TEX14: variants seen among roughly 807,000 people sequenced by gnomAD.
The protein encoded by TEX14 is inactive serine/threonine-protein kinase TEX14.
Under a neutral mutation model 178.6 loss-of-function variants are expected in TEX14, and 168 were observed. That is an observed-to-expected ratio of 0.94 (90% confidence interval 0.83 to 1.07). The LOEUF (loss-of-function observed/expected upper bound fraction) is 1.07. Ranked by LOEUF, TEX14 falls within the 50% of genes least tolerant of loss-of-function variation. The pLI is 0.00. For synonymous variants in TEX14, 626 were observed against 634.1 expected (o/e 0.99, Z 0.19); for missense variants, 1,730 against 1,753.6 (o/e 0.99, Z 0.24).
chr17:58,690,426 A>G (rs1182752360), intron 1 of TEX14, among the ~76,000 whole-genome samples: 1 of 152,190 alleles, frequency 6.6e-6, no homozygotes, highest in Non-Finnish European at 1.5e-5. Flanking sequence ...TTGGCCTCCC[A>G]AAGTGCTTGG....
chr17:58,578,471 G>T (rs2044732518), intron 20 of TEX14, among the ~76,000 whole-genome samples: 1 of 152,108 alleles, frequency 6.6e-6, no homozygotes, highest in African/African-American at 2.4e-5. Flanking sequence ...CTGTACCCCT[G>T]TTGTGTCCTC....
At chr17:58,603,811 G>A (rs1313199174) in intron 11 of TEX14, among the ~76,000 whole-genome samples, 5 of 148,138 alleles carry the variant, frequency 3.4e-5, no homozygotes, top group East Asian at 2.0e-4. Context: ...CCAAGATCCC[G>A]CCACTGCACT....
At chr17:58,566,239 T>C (rs1410837122) in intron 26 of TEX14, among the ~76,000 whole-genome samples, 2 of 152,206 alleles carry the variant, frequency 1.3e-5, no homozygotes, top group Non-Finnish European at 2.9e-5. Context: ...ATGTTCACAA[T>C]TAATCTTCAC....
intron 1 of TEX14, among the ~76,000 whole-genome samples, chr17:58,687,049 G>GCCCATGGGAT (rs1476686393): frequency 5.3e-5 from 8 of 150,888 alleles, no homozygotes; most frequent in African/African-American, 2.0e-4. Context: ...GGAGCTGAAG[G>GCCCATGGGAT]CCCATGGGAT....
chr17:58,580,994 G>A (rs1275887014), intron 19 of TEX14, among the ~76,000 whole-genome samples: 2 of 152,098 alleles, frequency 1.3e-5, no homozygotes, highest in East Asian at 1.9e-4. Context: ...TTCCCATTAG[G>A]AAGTATGAAT....
At chr17:58,558,638 AG>A (rs1262233724) in intron 30 of TEX14, among the ~76,000 whole-genome samples, 1 of 152,204 alleles carries the variant, frequency 6.6e-6, no homozygotes, top group Non-Finnish European at 1.5e-5. Flanking sequence ...GATCTGAAAG[AG>A]TTAAAGTCTC....
intron 1 of TEX14, among the ~76,000 whole-genome samples, chr17:58,657,031 A>C (rs2046984279): frequency 6.6e-6 from 1 of 151,446 alleles, no homozygotes; most frequent in African/African-American, 2.4e-5. Flanking sequence ...CTGGTCTTCA[A>C]CTCCTGGCCT....
chr17:58,570,571 G>A (rs1205708970), intron 24 of TEX14, 87 bp from the exon 25 acceptor site: 1 of 633,350 alleles, frequency 1.6e-6, no homozygotes, highest in Non-Finnish European at 2.4e-6. Context: ...TTGTTTTGTT[G>A]ATTAAGTCAA....
intron 2 of TEX14, among the ~76,000 whole-genome samples, chr17:58,638,450 A>G (rs183355633): frequency 1.2e-4 from 18 of 152,374 alleles, no homozygotes; most frequent in African/African-American, 4.3e-4. Context: ...GTGGATAAAG[A>G]AACTGTGGTG....
chr17:58,577,499 A>T, intron 20 of TEX14, 43 bp from the exon 21 acceptor site: 2 of 717,970 alleles, frequency 2.8e-6, no homozygotes, highest in Non-Finnish European at 4.0e-6. Context: ...ATTTTTTTTT[A>T]CTGAATCTTT....
At chr17:58,685,358 C>T (rs936241668) in intron 1 of TEX14, among the ~76,000 whole-genome samples, 8 of 150,716 alleles carry the variant, frequency 5.3e-5, no homozygotes, top group Admixed American at 2.0e-4. Flanking sequence ...ATCGCTTGAA[C>T]GTGGGAGGTG....
intron 13 of TEX14, among the ~76,000 whole-genome samples, chr17:58,599,999 GTTTTC>G (rs984655749): frequency 1.3e-5 from 2 of 152,052 alleles, no homozygotes; most frequent in African/African-American, 4.8e-5. Flanking sequence ...CCTGAATCTT[GTTTTC>G]TTTTGTTTTA....
Position 58,599,501 on chromosome 17 carries a change from G to C in TEX14, c.1844C>G (p.Pro615Arg), listed in dbSNP as rs1412626551. The C allele has an allele frequency of 6.2e-7, 1 of 1,613,780 alleles. No homozygotes were observed. Among genetic ancestry groups the C allele is most frequent in the Admixed American group, 1.7e-5 (1 of 59,980 alleles). The change falls in exon 14 of 32, where the codon CCA becomes CGA. Residue 615 changes from proline to arginine, a missense_variant. By Grantham distance (103) the Pro-to-Arg change is moderately radical (BLOSUM62 -2). Around this residue, in one of 2 missense-constraint regions of TEX14, gnomAD observed 941 missense variants for 1,072.4 expected, o/e 0.88. Coordinates refer to ENST00000349033, the MANE Select transcript of TEX14 (RefSeq NM_031272.5). ...GTTGATTTCGAAACTGCAGAGGCTT[G>C]GCTGACCTGTGCTGGGGCTGCTGGC... ...EEASSPSTGQPSLCSFEINEI... is the reference protein window; with the variant it reads ...EEASSPSTGQRSLCSFEINEI...
chr17:58,661,989 G>C (rs1449124071), intron 1 of TEX14, among the ~76,000 whole-genome samples: 1 of 151,914 alleles, frequency 6.6e-6, no homozygotes, highest in African/African-American at 2.4e-5. Flanking sequence ...AAGTGACTTT[G>C]CCAAGATTCA....
At chr17:58,616,063 CT>C in intron 7 of TEX14, 111 bp downstream of exon 7, 1 of 1,232,668 alleles carries the variant, frequency 8.1e-7, no homozygotes, top group Non-Finnish European at 1.1e-6. Context: ...GACAGATGTT[CT>C]TAGGTGTTCC....
chr17:58,666,487 A>AAAAAAAC (rs2047210121), intron 1 of TEX14: 1 of 96,276 alleles, frequency 1.0e-5, no homozygotes, highest in African/African-American at 3.6e-5. Flanking sequence ...AAAAAAAAAA[A>AAAAAAAC]GCAAAAGCTA....
intron 1 of TEX14, among the ~76,000 whole-genome samples, chr17:58,668,627 G>A (rs1377545789): frequency 6.6e-6 from 1 of 152,202 alleles, no homozygotes; most frequent in Non-Finnish European, 1.5e-5. Context: ...AAGGGAGGCT[G>A]AAATGTGCCC....
At chr17:58,575,114 T>A (rs955361251) in intron 21 of TEX14, among the ~76,000 whole-genome samples, 1 of 103,424 alleles carries the variant, frequency 9.7e-6, no homozygotes, top group African/African-American at 5.3e-5. Context: ...ATGTTTTCAC[T>A]TTTTTTTTTT....
In TEX14 at chr17:58,569,091, C is replaced by A; in HGVS notation, c.3886+101G>T. On this transcript the variant is annotated intron_variant, in intron 26 of 31. Coordinates refer to ENST00000349033, the MANE Select transcript of TEX14 (RefSeq NM_031272.5). The surrounding 1 kb of genome is among the most constrained non-coding windows in gnomAD (Gnocchi z 4.1). ...ATATTCAACCAGGCCATCATACAGCCTTTTATACTAGTGTTCACACTTGAG... is the reference window on the plus strand; with the variant it reads ...ATATTCAACCAGGCCATCATACAGCATTTTATACTAGTGTTCACACTTGAG... 1 of 1,002,234 alleles carries A rather than the reference C, an allele frequency of 1.0e-6. No homozygotes were observed. The highest frequency in any genetic ancestry group is 2.6e-5 in the East Asian group (1 of 37,876). The allele number at this position is 1,002,234 out of a possible 1,614,324, so 62.1% of individuals were successfully genotyped here.
Sources: allele counts gnomAD v4.1 joint callset (sites outside exome capture counted in the v4.1 genomes callset), GRCh38; gene constraint gnomAD v4.1.1; regional missense constraint gnomAD v4.1.1; non-coding constraint Gnocchi (gnomAD v3.1); transcripts MANE v1.5; gene names NCBI Gene and HGNC (gene_info 2026-07-23, HGNC 2026-07-21).